Variants in SMIM14 observed in about 807,000 individuals in gnomAD.
SMIM14 encodes chromosome 4 open reading frame 34.
A neutral mutation model predicts 12.6 loss-of-function variants in SMIM14; 5 were observed. The ratio of observed to expected loss-of-function variants is 0.40; its 90% CI spans 0.21 to 0.83. The LOEUF is 0.83. SMIM14 is among the 40% of genes least tolerant of loss of function. The pLI is 0.37. For synonymous variants in SMIM14, 30 were observed against 40.1 expected, an observed-to-expected ratio of 0.75 and a Z score of 0.95; for missense variants, 86 against 119.1, an observed-to-expected ratio of 0.72 and a Z score of 1.29.
chr4:39,602,265 T>C (rs1029544560), intron 2 of SMIM14, among the ~76,000 whole-genome samples: 2 of 146,124 alleles, frequency 1.4e-5, no homozygotes, highest in African/African-American at 5.0e-5. Flanking sequence ...AAAAAAATGA[T>C]GATAATGGAT....
At chr4:39,572,084 G>A (rs1188302280) in intron 3 of SMIM14, among the ~76,000 whole-genome samples, 2 of 151,886 alleles carry the variant, frequency 1.3e-5, no homozygotes, top group African/African-American at 2.4e-5. Flanking sequence ...GATTCCAGGT[G>A]TGAGCCACTG....
Position 39,578,510 on chromosome 4 carries a change from G to T in SMIM14, c.76-6047C>A, listed in dbSNP as rs191517818. ...TACCCACAGTATCTATAGAAATATAGACTTTAAATATCTTCTATATTATAG... is the reference window on the plus strand; with the variant it reads ...TACCCACAGTATCTATAGAAATATATACTTTAAATATCTTCTATATTATAG... On this transcript the variant is annotated intron_variant, in intron 2 of 4. Transcript: ENST00000295958. Among the ~76,000 whole-genome samples the T allele has an allele frequency of 9.2e-5, 14 of 152,254 alleles. No homozygotes were observed. In the East Asian group the frequency reaches 2.3e-3, roughly 25 times the overall value.
At chr4:39,628,668 C>T (rs991839070) in intron 1 of SMIM14, among the ~76,000 whole-genome samples, 2 of 136,802 alleles carry the variant, frequency 1.5e-5, no homozygotes, top group Non-Finnish European at 3.2e-5. Context: ...GGTGACAAGG[C>T]GAGACTCCGT....
rs148172035 is a variant in SMIM14, at chr4:39,563,704, T to A, written c.125-7134A>T. Among the ~76,000 whole-genome samples the A allele has an allele frequency of 6.1e-3, 928 of 152,276 alleles. 8 individuals are homozygous for A. The highest frequency in any genetic ancestry group is 9.9e-3 in the Non-Finnish European group (676 of 68,014). ...AAAAATCTCCATTTCCTCCACCCACTTTTTCCTCTGCCTTCTCTGGACTAG... is the reference window on the plus strand; with the variant it reads ...AAAAATCTCCATTTCCTCCACCCACATTTTCCTCTGCCTTCTCTGGACTAG... On this transcript the variant is annotated intron_variant, in intron 3 of 4. Transcript: ENST00000295958.
At chr4:39,587,187 C>T (rs1299078197) in intron 2 of SMIM14, among the ~76,000 whole-genome samples, 5 of 151,942 alleles carry the variant, frequency 3.3e-5, no homozygotes, top group Non-Finnish European at 7.4e-5. Context: ...TATATACATA[C>T]GTATATGCAT....
intron 1 of SMIM14, among the ~76,000 whole-genome samples, chr4:39,612,962 C>T (rs752552164): frequency 3.9e-5 from 6 of 152,152 alleles, no homozygotes; most frequent in Non-Finnish European, 7.4e-5. Context: ...AGCCTCTGAA[C>T]ACAGAAATTT....
At chr4:39,598,912 G>T (rs1714486708) in intron 2 of SMIM14, among the ~76,000 whole-genome samples, 2 of 151,078 alleles carry the variant, frequency 1.3e-5, no homozygotes, top group African/African-American at 4.9e-5. Flanking sequence ...CTGCCACCCT[G>T]GGATGTCCCT....
At chr4:39,626,486 C>T (rs186814287) in intron 1 of SMIM14, among the ~76,000 whole-genome samples, 10 of 152,266 alleles carry the variant, frequency 6.6e-5, no homozygotes, top group East Asian at 1.9e-4. Context: ...GGGATTCAAA[C>T]GCCCTGTCTT....
intron 2 of SMIM14, among the ~76,000 whole-genome samples, chr4:39,579,843 C>CAAAAA (rs528601041): frequency 1.6e-5 from 2 of 123,930 alleles, no homozygotes; most frequent in African/African-American, 3.1e-5. Context: ...GACTCCGTCT[C>CAAAAA]AAAAAAAAAA....
At chr4:39,614,568 T>C (rs1028844541) in intron 1 of SMIM14, among the ~76,000 whole-genome samples, 15 of 152,118 alleles carry the variant, frequency 9.9e-5, no homozygotes, top group African/African-American at 3.6e-4. Context: ...GTGATCTGCC[T>C]GCCTCAACCT....
chr4:39,584,408 G>A (rs1046994664), intron 2 of SMIM14, among the ~76,000 whole-genome samples: 2 of 145,470 alleles, frequency 1.4e-5, no homozygotes, highest in Admixed American at 1.4e-4. Flanking sequence ...CTTGAACCTG[G>A]GAGGTGGAGT....
intron 1 of SMIM14, among the ~76,000 whole-genome samples, chr4:39,609,125 T>C (rs1714925051): frequency 6.6e-6 from 1 of 151,698 alleles, no homozygotes; most frequent in Non-Finnish European, 1.5e-5. Context: ...TACAGGCGCG[T>C]GCCACCATGC....
At chr4:39,565,822 T>C (rs1229219840) in intron 3 of SMIM14, among the ~76,000 whole-genome samples, 2 of 151,910 alleles carry the variant, frequency 1.3e-5, no homozygotes, top group East Asian at 3.8e-4. Context: ...GGTGATTGAA[T>C]TATGGGGGGC....
chr4:39,635,640 A>G (rs1578375475), intron 1 of SMIM14, among the ~76,000 whole-genome samples: 1 of 152,212 alleles, frequency 6.6e-6, no homozygotes, highest in Non-Finnish European at 1.5e-5. Context: ...AATAAGTAGT[A>G]AACATCTAGG....
chr4:39,627,859 G>A (rs143306393), intron 1 of SMIM14, among the ~76,000 whole-genome samples: 75 of 152,290 alleles, frequency 4.9e-4, no homozygotes, highest in African/African-American at 1.7e-3. Context: ...TGATCATAAA[G>A]AGTCAAACAA....
At chr4:39,628,446 G>A (rs964128603) in intron 1 of SMIM14, among the ~76,000 whole-genome samples, 1 of 150,434 alleles carries the variant, frequency 6.6e-6, no homozygotes, top group African/African-American at 2.4e-5. Flanking sequence ...AGGCTGAGAC[G>A]GGCAGATCAC....
intron 4 of SMIM14, among the ~76,000 whole-genome samples, chr4:39,552,772 C>T (rs925493352): frequency 1.3e-5 from 2 of 152,098 alleles, no homozygotes; most frequent in African/African-American, 4.8e-5. Flanking sequence ...ATCAATGAAG[C>T]CACTTGTTTT....
chr4:39,553,403 T>G (rs1381005352), intron 4 of SMIM14, among the ~76,000 whole-genome samples: 2 of 151,912 alleles, frequency 1.3e-5, no homozygotes, highest in Non-Finnish European at 2.9e-5. Context: ...AGAGTTCTAT[T>G]TCTTTAGCTC....
intron 3 of SMIM14, 124 bp from the exon 4 acceptor site, chr4:39,556,694 G>GTA: frequency 1.1e-6 from 1 of 883,932 alleles, no homozygotes; most frequent in East Asian, 2.9e-5. Context: ...AATTACAAAA[G>GTA]TACATATTAT....
Sources: allele counts gnomAD v4.1 joint callset (sites outside exome capture counted in the v4.1 genomes callset), GRCh38; gene constraint gnomAD v4.1.1; transcripts MANE v1.5; gene names NCBI Gene and HGNC (gene_info 2026-07-23, HGNC 2026-07-21).